FOXP1: variants seen among roughly 807,000 people sequenced by gnomAD.
The protein encoded by FOXP1 is forkhead box protein P1.
Under a neutral mutation model 98.2 loss-of-function variants are expected in FOXP1, and 15 were observed. That is an observed-to-expected ratio of 0.15 (90% CI 0.10 to 0.24). FOXP1 has a LOEUF of 0.24. Among genes scored for constraint, FOXP1 ranks in the 10% least tolerant of loss-of-function variants. The pLI is 1.00. For missense variants in FOXP1, 633 were observed against 848.5 expected (o/e 0.75, Z 3.15); for synonymous variants, 371 against 314.5 (o/e 1.18, Z -1.90).
At chr3:71,233,592 CTTT>C (rs34054213) in intron 5 of FOXP1, among the ~76,000 whole-genome samples, 6 of 108,676 alleles carry the variant, frequency 5.5e-5, no homozygotes, top group Admixed American at 9.7e-5. Context: ...ATGTTTGACT[CTTT>C]TTTTTTTTTT....
chr3:71,057,808 C>T (rs182117368), intron 7 of FOXP1, among the ~76,000 whole-genome samples: 73 of 152,218 alleles, frequency 4.8e-4, no homozygotes, highest in South Asian at 2.1e-4. Context: ...CCCAAACCTG[C>T]GGGAATGGCA....
chr3:71,174,709 A>C (rs1162587967), intron 6 of FOXP1, among the ~76,000 whole-genome samples: 1 of 151,716 alleles, frequency 6.6e-6, no homozygotes, highest in East Asian at 1.9e-4. Flanking sequence ...TGGATCATCT[A>C]AGGAATTTTA....
At chr3:71,309,954 T>C (rs1186123097) in intron 4 of FOXP1, among the ~76,000 whole-genome samples, 1 of 152,230 alleles carries the variant, frequency 6.6e-6, no homozygotes, top group East Asian at 1.9e-4. Flanking sequence ...AATTAGAACT[T>C]TTACTTTTGG....
chr3:70,975,105 TTA>T (rs1162793774), intron 17 of FOXP1, among the ~76,000 whole-genome samples: 1 of 152,198 alleles, frequency 6.6e-6, no homozygotes, highest in Admixed American at 6.5e-5. Context: ...CTAAGGCTGT[TTA>T]TATTAATGAC....
chr3:71,388,429 C>T (rs1305401398), intron 3 of FOXP1, among the ~76,000 whole-genome samples: 1 of 152,056 alleles, frequency 6.6e-6, no homozygotes, highest in Non-Finnish European at 1.5e-5. Context: ...TTTTTATAGC[C>T]GTGTATTCTC....
intron 4 of FOXP1, among the ~76,000 whole-genome samples, chr3:71,331,475 G>A (rs1201128742): frequency 1.3e-5 from 2 of 152,028 alleles, no homozygotes; most frequent in Admixed American, 6.6e-5. Flanking sequence ...AAGGGCTGAG[G>A]AGTGCGGGCG....
At chr3:71,572,138 C>T (rs1201145817) in intron 2 of FOXP1, 1 of 152,186 alleles carries the variant, frequency 6.6e-6, no homozygotes, top group Non-Finnish European at 1.5e-5. Flanking sequence ...TGCTAAGTTC[C>T]AAGCCAAGTC....
chr3:71,221,244 T>C (rs2065357140), intron 5 of FOXP1, among the ~76,000 whole-genome samples: 2 of 152,182 alleles, frequency 1.3e-5, no homozygotes, highest in Admixed American at 1.3e-4. Context: ...TGCTCCTTAA[T>C]CATCCCCAAC....
intron 5 of FOXP1, among the ~76,000 whole-genome samples, chr3:71,266,865 C>T (rs560349413): frequency 1.3e-5 from 2 of 152,244 alleles, no homozygotes; most frequent in South Asian, 2.1e-4. Context: ...CGATAATGGC[C>T]GCCAGCTCCA....
chr3:71,552,693 G>T (rs1045990843), intron 2 of FOXP1, among the ~76,000 whole-genome samples: 1 of 151,944 alleles, frequency 6.6e-6, no homozygotes, highest in Non-Finnish European at 1.5e-5. Flanking sequence ...AACTGGCAAA[G>T]AACTAGGCAA....
rs1433144041 is a variant in FOXP1, at chr3:70,966,045, A to C, written c.1734T>G (p.Ala578=). Residue 578 remains alanine (A), a synonymous_variant, in exon 20 of 21, where the codon GCT becomes GCG. Transcript: ENST00000649528. ...TAGTGTATAGAGGTATACTATTCTC[A>C]GCCATTGAAGCCTGTCATCAACCAA... is the stretch of plus-strand genomic sequence containing the variant. ...PLNAALQASM[A]ENSIPLYTTA... 1 of 1,614,038 alleles carries C rather than the reference A, an allele frequency of 6.2e-7. No individual in the cohort carries two copies. The highest frequency in any genetic ancestry group is 1.3e-5 in the African/African-American group (1 of 74,930).
chr3:71,582,808 C>G, intron 1 of FOXP1: 4 of 984,890 alleles, frequency 4.1e-6, no homozygotes, highest in Non-Finnish European at 4.8e-6. Context: ...TTGAATTTTC[C>G]GGGCTCCGAG....
chr3:71,135,428 C>T (rs931126324), intron 6 of FOXP1, among the ~76,000 whole-genome samples: 1 of 151,934 alleles, frequency 6.6e-6, no homozygotes, highest in African/African-American at 2.4e-5. Flanking sequence ...AAAAAGTAAA[C>T]AGGCCCCTAC....
At chr3:71,502,037 T>G (rs1032646913) in intron 2 of FOXP1, among the ~76,000 whole-genome samples, 1 of 152,208 alleles carries the variant, frequency 6.6e-6, no homozygotes, top group Non-Finnish European at 1.5e-5. Context: ...GAAGGCTCTT[T>G]TGGGGAGCCA....
intron 2 of FOXP1, among the ~76,000 whole-genome samples, chr3:71,501,061 G>A (rs914277894): frequency 2.0e-5 from 3 of 151,960 alleles, no homozygotes; most frequent in Admixed American, 6.6e-5. Flanking sequence ...GTGGGGTGGC[G>A]GGTGCCTGTA....
At chr3:71,148,129 C>A (rs1450345088) in intron 6 of FOXP1, among the ~76,000 whole-genome samples, 4 of 152,214 alleles carry the variant, frequency 2.6e-5, no homozygotes, top group African/African-American at 9.6e-5. Flanking sequence ...GTAATCCCAG[C>A]ACTTTGGGAG....
At chr3:71,334,755 G>C (rs1048524305) in intron 4 of FOXP1, 12 of 152,098 alleles carry the variant, frequency 7.9e-5, no homozygotes, top group African/African-American at 2.4e-4. Flanking sequence ...AAGAATTCAG[G>C]GAATACAGTA....
At chr3:71,035,756 T>C (rs2047491047) in intron 11 of FOXP1, among the ~76,000 whole-genome samples, 1 of 150,970 alleles carries the variant, frequency 6.6e-6, no homozygotes, top group African/African-American at 2.5e-5. Flanking sequence ...ATACAAATTG[T>C]CCTCTGATTT....
At chr3:71,428,278 T>C (rs527656228) in intron 3 of FOXP1, among the ~76,000 whole-genome samples, 1 of 152,338 alleles carries the variant, frequency 6.6e-6, no homozygotes, top group East Asian at 1.9e-4. Context: ...TTCTGGAAAC[T>C]GTGTCTCCTG....
Sources: gnomAD v4.1 joint callset for allele counts (sites outside exome capture counted in the v4.1 genomes callset) on GRCh38, gnomAD v4.1.1 for gene constraint, MANE v1.5 for transcripts, NCBI Gene and HGNC (gene_info 2026-07-23, HGNC 2026-07-21) for gene names.